RNF216: variants seen among roughly 807,000 people sequenced by gnomAD.
The protein encoded by RNF216 is ring finger protein 216.
RNF216 carries 72 observed loss-of-function variants against 110.8 expected under a neutral mutation model. The observed-to-expected ratio is 0.65, with a 90% CI of 0.54 to 0.79. RNF216 has a LOEUF of 0.79. RNF216 is among the 30% of genes least tolerant of loss of function. RNF216 has a pLI of 0.00. For synonymous variants in RNF216, 495 were observed against 407.5 expected (o/e 1.21, Z -2.59); for missense variants, 1,342 against 1,141.2 (o/e 1.18, Z -2.54).
At chr7:5,780,370 T>G (rs1205286062) in intron 1 of RNF216, 1 of 152,096 alleles carries the variant, frequency 6.6e-6, no homozygotes, top group Non-Finnish European at 1.5e-5. Flanking sequence ...ACGTGTGGGT[T>G]TTCAGCCAGG....
rs1350498022 is a variant in RNF216 at position 5,622,755 on chromosome 7, C to T, written c.*105G>A. 5 of 1,159,234 alleles carry T rather than the reference C, an allele frequency of 4.3e-6. No individual in the cohort carries two copies. Among genetic ancestry groups the T allele is most frequent in the Non-Finnish European group, 6.1e-6 (5 of 826,352 alleles). The allele number at this position is 1,159,234 out of a possible 1,614,324, so 71.8% of individuals were successfully genotyped here. ...GAAGAAAACCAGCCTACCCTTCAAG[C>T]TGACTTAGGATGCAATGGTACAGAC... On this transcript the variant is annotated 3_prime_UTR_variant, in exon 17 of 17. Transcript: ENST00000389902.
intron 13 of RNF216, among the ~76,000 whole-genome samples, chr7:5,682,857 G>A (rs1790749173): frequency 6.6e-6 from 1 of 152,008 alleles, no homozygotes; most frequent in African/African-American, 2.4e-5. Context: ...CTATTCTAAG[G>A]AATAATTCTA....
intron 13 of RNF216, among the ~76,000 whole-genome samples, chr7:5,653,843 G>C (rs1238984434): frequency 1.3e-5 from 2 of 152,072 alleles, no homozygotes; most frequent in African/African-American, 4.8e-5. Flanking sequence ...CCAGACAATG[G>C]GCAGCAAGAG....
chr7:5,683,502 A>G (rs899077732), intron 13 of RNF216, among the ~76,000 whole-genome samples: 1 of 152,122 alleles, frequency 6.6e-6, no homozygotes, highest in African/African-American at 2.4e-5. Context: ...ATGTGGAGAG[A>G]CCAAGGCCAC....
In RNF216 at chr7:5,729,507, G is replaced by C; in HGVS notation, c.1314C>G (p.Asp438Glu). 1 of 1,614,180 alleles carries C rather than the reference G, an allele frequency of 6.2e-7. No homozygotes were observed. Among genetic ancestry groups the C allele is most frequent in the Non-Finnish European group, 8.5e-7 (1 of 1,180,032 alleles). The change falls in exon 7 of 17, where the codon GAC (aspartate) becomes GAG (glutamate). Residue 438 changes from aspartate to glutamate, a missense_variant. Coordinates refer to ENST00000389902, the MANE Select transcript of RNF216 (RefSeq NM_207111.4). Reference protein sequence around the residue: ...FIQAADLLMADFKVLSSQDIK... With the variant: ...FIQAADLLMAEFKVLSSQDIK... ...TGTCCTGACTACTGAGCACTTTGAAGTCGGCCATGAGGAGGTCAGCAGCTT... is the reference window on the plus strand; with the variant it reads ...TGTCCTGACTACTGAGCACTTTGAACTCGGCCATGAGGAGGTCAGCAGCTT...
chr7:5,730,090 T>TGTATAGTATATACATCTATACAGC (rs1163317290), intron 6 of RNF216, among the ~76,000 whole-genome samples: 2 of 152,220 alleles, frequency 1.3e-5, no homozygotes, highest in Non-Finnish European at 2.9e-5. Context: ...GTTAAACAGA[T>TGTATAGTATATACATCTATACAGC]GTATAGTATA....
chr7:5,668,145 T>G (rs568033602), intron 13 of RNF216, among the ~76,000 whole-genome samples: 1 of 152,140 alleles, frequency 6.6e-6, no homozygotes, highest in South Asian at 2.1e-4. Context: ...ATAGCAGGCA[T>G]AGAAAAGCGG....
chr7:5,737,916 T>C (rs1794521228), intron 5 of RNF216, among the ~76,000 whole-genome samples: 1 of 151,964 alleles, frequency 6.6e-6, no homozygotes, highest in African/African-American at 2.4e-5. Flanking sequence ...GATGAAACCC[T>C]GTCTCTACTA....
At chr7:5,669,069 G>T (rs1173087709) in intron 13 of RNF216, among the ~76,000 whole-genome samples, 1 of 152,158 alleles carries the variant, frequency 6.6e-6, no homozygotes, top group Non-Finnish European at 1.5e-5. Flanking sequence ...TTCAACGCAG[G>T]CAGGTGGCTA....
chr7:5,760,461 A>T (rs1366738885), intron 2 of RNF216: 1 of 384,590 alleles, frequency 2.6e-6, no homozygotes, highest in East Asian at 8.4e-5. Flanking sequence ...GCTCGTGGTG[A>T]GTCGAGATTA....
intron 1 of RNF216, among the ~76,000 whole-genome samples, chr7:5,765,107 T>G (rs1796134807): frequency 1.3e-5 from 2 of 151,042 alleles, no homozygotes; most frequent in South Asian, 4.2e-4. Flanking sequence ...TAAAACAATT[T>G]TTACACATTC....
chr7:5,713,076 C>A (rs1413899857), intron 11 of RNF216, among the ~76,000 whole-genome samples: 3 of 152,150 alleles, frequency 2.0e-5, no homozygotes, highest in Non-Finnish European at 4.4e-5. Context: ...TAGCCCAAAT[C>A]ACAATCCACA....
chr7:5,628,981 G>C (rs1285792726), intron 15 of RNF216, among the ~76,000 whole-genome samples: 2 of 151,944 alleles, frequency 1.3e-5, no homozygotes, highest in African/African-American at 4.8e-5. Context: ...TGGATGACTT[G>C]AGGCCAGGAG....
intron 13 of RNF216, among the ~76,000 whole-genome samples, chr7:5,687,031 T>G (rs1047905176): frequency 1.8e-4 from 27 of 152,294 alleles, no homozygotes; most frequent in Middle Eastern, 3.4e-3. Flanking sequence ...GAGCCCTGAT[T>G]ATTCTAATTG....
chr7:5,642,422 C>T (rs1216636277), intron 14 of RNF216, among the ~76,000 whole-genome samples: 1 of 152,102 alleles, frequency 6.6e-6, no homozygotes, highest in African/African-American at 2.4e-5. Context: ...CCATGTTGGC[C>T]AGGCTGGTCT....
Position 5,680,162 on chromosome 7 carries a change from C to T in RNF216, c.2062-27652G>A, listed in dbSNP as rs1369844480. Reference sequence around the variant, plus strand: ...GAGCTGGCCCTGAAGCTTCCAGCCTCCTCAGAGCTCGCCCTGGAAACACAC... The same window carrying T: ...GAGCTGGCCCTGAAGCTTCCAGCCTTCTCAGAGCTCGCCCTGGAAACACAC... On this transcript the variant is annotated intron_variant, in intron 13 of 16. Transcript: ENST00000389902. The surrounding 1 kb of genome is among the most constrained non-coding windows in gnomAD (Gnocchi z 4.3). Among the ~76,000 whole-genome samples the T allele has an allele frequency of 1.3e-5, 2 of 152,212 alleles. No individual in the cohort carries two copies. The highest frequency in any genetic ancestry group is 4.8e-5 in the African/African-American group (2 of 41,454).
chr7:5,740,918 AG>A (rs930169633), intron 4 of RNF216, 54 bp downstream of exon 4: 44 of 1,484,146 alleles, frequency 3.0e-5, no homozygotes, highest in South Asian at 8.6e-5. Context: ...AAAAAAAAAA[AG>A]AAAAAAACTC....
Position 5,646,145 on chromosome 7 carries a change from G to A in RNF216, c.2160-4769C>T, listed in dbSNP as rs116333007. 9.0e-3 allele frequency among the ~76,000 whole-genome samples: 1,371 copies of A among 152,268 alleles called. 21 individuals carry two copies. The highest frequency in any genetic ancestry group is 0.031 in the African/African-American group (1,307 of 41,532). On this transcript the variant is annotated intron_variant, in intron 14 of 16. Transcript: ENST00000389902. ...CTGGGTGTTTTGAATATTATACTGA[G>A]AAGAGTCTAGAAATCAGGTTGCTTT...
chr7:5,774,925 T>G (rs527379220), intron 1 of RNF216: 2 of 152,188 alleles, frequency 1.3e-5, no homozygotes, highest in East Asian at 3.9e-4. Flanking sequence ...AATTTTATAT[T>G]TTTAGTAGAG....
Sources: gnomAD v4.1 joint callset for allele counts (sites outside exome capture counted in the v4.1 genomes callset) on GRCh38, gnomAD v4.1.1 for gene constraint, Gnocchi (gnomAD v3.1) non-coding constraint, MANE v1.5 for transcripts, NCBI Gene and HGNC (gene_info 2026-07-23, HGNC 2026-07-21) for gene names.